The following MMP16 variants were observed in gnomAD, a reference collection of about 807,000 sequenced individuals.
MMP16 encodes matrix metallopeptidase 16, also known as matrix metalloproteinase-16.
MMP16 carries 12 observed loss-of-function variants against 67.8 expected under a neutral mutation model. That is an observed-to-expected ratio of 0.18 (90% CI 0.11 to 0.29). The LOEUF is 0.29. Ranked by LOEUF, MMP16 falls within the 10% of genes least tolerant of loss-of-function variation. The pLI is 1.00. For missense variants in MMP16, 475 were observed against 765.7 expected (o/e 0.62, Z 4.48); for synonymous variants, 249 against 255.9 (o/e 0.97, Z 0.26).
chr8:88,324,119 C>T (rs1432293954), intron 1 of MMP16, among the ~76,000 whole-genome samples: 2 of 152,036 alleles, frequency 1.3e-5, no homozygotes, highest in Non-Finnish European at 2.9e-5. Flanking sequence ...GAAAGTAGAG[C>T]AGTGTATTGA....
intron 1 of MMP16, among the ~76,000 whole-genome samples, chr8:88,313,949 C>G (rs1811338488): frequency 6.6e-6 from 1 of 152,066 alleles, no homozygotes; most frequent in Non-Finnish European, 1.5e-5. Flanking sequence ...AAGACCCGTC[C>G]CCATGATTTA....
At chr8:88,142,897 A>G (rs117291844) in intron 4 of MMP16, among the ~76,000 whole-genome samples, 2,841 of 152,314 alleles carry the variant, frequency 0.019, 30 homozygotes, top group Non-Finnish European at 0.031. Context: ...TCTATTGTCA[A>G]TAGATGTGAT....
At chr8:88,186,400 A>G in intron 3 of MMP16, 76 bp downstream of exon 3, 1 of 1,564,652 alleles carries the variant, frequency 6.4e-7, no homozygotes, top group South Asian at 1.1e-5. Flanking sequence ...AACGTGCAGA[A>G]GATACTAAAC....
At chr8:88,226,186 C>T (rs938608154) in intron 1 of MMP16, among the ~76,000 whole-genome samples, 8 of 151,748 alleles carry the variant, frequency 5.3e-5, no homozygotes, top group Non-Finnish European at 8.8e-5. Context: ...AAGGTTCAAA[C>T]ATTCATCTTT....
chr8:88,178,450 C>T (rs999958248), intron 3 of MMP16, among the ~76,000 whole-genome samples: 3 of 152,056 alleles, frequency 2.0e-5, no homozygotes, highest in East Asian at 3.8e-4. Flanking sequence ...AGGAAATATG[C>T]TGTAAGATAT....
At chr8:88,260,460 T>A (rs909695619) in intron 1 of MMP16, among the ~76,000 whole-genome samples, 2 of 152,160 alleles carry the variant, frequency 1.3e-5, no homozygotes, top group African/African-American at 4.8e-5. Flanking sequence ...ATTGAAACTC[T>A]CTGAATAGGC....
chr8:88,076,116 C>T (rs1239263206), intron 6 of MMP16, among the ~76,000 whole-genome samples: 2 of 151,806 alleles, frequency 1.3e-5, no homozygotes, highest in Non-Finnish European at 1.5e-5. Flanking sequence ...TCTTCTCTAC[C>T]AACTTCTGTT....
intron 4 of MMP16, among the ~76,000 whole-genome samples, chr8:88,153,219 T>G (rs1808440088): frequency 6.6e-6 from 1 of 151,308 alleles, no homozygotes; most frequent in Non-Finnish European, 1.5e-5. Flanking sequence ...TAAAAGAGGA[T>G]ACAAACAAAT....
chr8:88,064,117 TTG>T (rs1199511837), intron 7 of MMP16, among the ~76,000 whole-genome samples: 1 of 152,134 alleles, frequency 6.6e-6, no homozygotes, highest in African/African-American at 2.4e-5. Flanking sequence ...TATTTACATA[TTG>T]TGTATGGCTG....
chr8:88,152,368 G>T (rs1399353705), intron 4 of MMP16, among the ~76,000 whole-genome samples: 3 of 125,580 alleles, frequency 2.4e-5, no homozygotes, highest in East Asian at 4.7e-4. Flanking sequence ...ATTTTATGAG[G>T]CCAGCATCAT....
At position 88,148,963 on chromosome 8, in the gene MMP16, T is replaced by C. The variant is rs1029835923; in HGVS notation, c.709+18706A>G. Among the ~76,000 whole-genome samples the C allele has an allele frequency of 7.2e-5, 11 of 152,168 alleles. No individual in the cohort carries two copies. The East Asian group carries it at 7.8e-4, about 11-fold the overall frequency. ...CATCTGAGGTACCGGGTTCATCTCA[T>C]TAGGGAGTGCCAGACAGTGGGCGCA... On this transcript the variant is annotated intron_variant, in intron 4 of 9. Transcript: ENST00000286614.
chr8:88,251,401 C>T (rs938855499), intron 1 of MMP16, among the ~76,000 whole-genome samples: 15 of 149,254 alleles, frequency 1.0e-4, no homozygotes, highest in South Asian at 2.1e-4. Context: ...GAAAGGATTC[C>T]CTATTTAATA....
At chr8:88,287,231 C>CT (rs11458905) in intron 1 of MMP16, among the ~76,000 whole-genome samples, 2,279 of 152,316 alleles carry the variant, frequency 0.015, 46 homozygotes, top group African/African-American at 0.052. Context: ...GAGTCTCTCT[C>CT]TGAGCGCCAG....
intron 4 of MMP16, among the ~76,000 whole-genome samples, chr8:88,135,671 G>C (rs776295617): frequency 1.3e-5 from 2 of 151,832 alleles, no homozygotes; most frequent in Non-Finnish European, 2.9e-5. Context: ...TGTTATTGTG[G>C]AGAGAAAATG....
chr8:88,130,474 C>A (rs78354286), intron 4 of MMP16, among the ~76,000 whole-genome samples: 1 of 151,264 alleles, frequency 6.6e-6, no homozygotes, highest in Admixed American at 6.6e-5. Flanking sequence ...AATTAAAGGA[C>A]GTTTCTTTTT....
chr8:88,209,369 A>G (rs537779615), intron 1 of MMP16, among the ~76,000 whole-genome samples: 1 of 152,244 alleles, frequency 6.6e-6, no homozygotes, highest in South Asian at 2.1e-4. Flanking sequence ...TTTCTTCCAT[A>G]TGATTTTCTT....
At chr8:88,274,404 T>C (rs1407327618) in intron 1 of MMP16, among the ~76,000 whole-genome samples, 3 of 152,104 alleles carry the variant, frequency 2.0e-5, no homozygotes, top group Non-Finnish European at 4.4e-5. Context: ...TTTTCCAATA[T>C]TGTATTTTTC....
intron 7 of MMP16, among the ~76,000 whole-genome samples, chr8:88,073,276 T>C (rs868235475): frequency 1.3e-5 from 2 of 152,344 alleles, no homozygotes; most frequent in Middle Eastern, 6.8e-3. Flanking sequence ...CTTTTTTATA[T>C]GCTTATTATA....
chr8:88,120,232 T>C (rs1807800287), intron 4 of MMP16, among the ~76,000 whole-genome samples: 1 of 152,076 alleles, frequency 6.6e-6, no homozygotes, highest in African/African-American at 2.4e-5. Flanking sequence ...AAGAGTTACA[T>C]AACTATGACA....
Sources: gnomAD v4.1 joint callset for allele counts (sites outside exome capture counted in the v4.1 genomes callset) on GRCh38, gnomAD v4.1.1 for gene constraint, MANE v1.5 for transcripts, NCBI Gene and HGNC (gene_info 2026-07-23, HGNC 2026-07-21) for gene names.